Variants in WDR93 observed in about 807,000 individuals in gnomAD.
WDR93 encodes the protein WD repeat-containing protein 93.
Under a neutral mutation model 82.9 loss-of-function variants are expected in WDR93, and 73 were observed. The observed-to-expected ratio is 0.88, with a 90% CI of 0.73 to 1.07. The LOEUF (loss-of-function observed/expected upper bound fraction) is 1.07, where lower values mean the gene tolerates loss of function less well. Among genes scored for constraint, WDR93 ranks in the 50% least tolerant of loss-of-function variants. The pLI is 0.00. For synonymous variants in WDR93, 283 were observed against 300.1 expected, an observed-to-expected ratio of 0.94 and a Z score of 0.59; for missense variants, 738 against 826.0, an observed-to-expected ratio of 0.89 and a Z score of 1.31.
chr15:89,738,935 C>T (rs996311090), intron 16 of WDR93, among the ~76,000 whole-genome samples: 7 of 151,788 alleles, frequency 4.6e-5, no homozygotes, highest in Non-Finnish European at 4.4e-5. Flanking sequence ...GCCAACATGG[C>T]GAAACCCCAT....
chr15:89,732,036 A>T (rs1246680071), intron 12 of WDR93, among the ~76,000 whole-genome samples: 1 of 152,166 alleles, frequency 6.6e-6, no homozygotes, highest in Non-Finnish European at 1.5e-5. Flanking sequence ...ACCAGCAGCT[A>T]TTCTGGGTGG....
chr15:89,729,768 TG>T lies in WDR93; in HGVS notation c.1210+1del. 1 of 1,612,984 alleles carries T rather than the reference TG, an allele frequency of 6.2e-7. No individual in the cohort carries two copies. Among genetic ancestry groups the T allele is most frequent in the South Asian group, 1.1e-5 (1 of 90,974 alleles). ...TAAACCGAACTCTAAAGGATAAAGC[TG>T]GTACTTTACTGCTGAGATGGGAGTC... Reference protein sequence around the residue: ...SLNRTLKDKADPEGVWPCAAP... With the variant: ...SLNRTLKDKAXPEGVWPCAAP... On this transcript the variant is annotated frameshift_variant and splice_region_variant, in exon 11 of 17. Transcript: ENST00000268130. LOFTEE classifies it high-confidence loss of function.
intron 14 of WDR93, among the ~76,000 whole-genome samples, chr15:89,737,262 A>C (rs1403841177): frequency 6.6e-6 from 1 of 152,194 alleles, no homozygotes; most frequent in African/African-American, 2.4e-5. Flanking sequence ...GAGAAATGGA[A>C]TCTTGGCTAC....
At chr15:89,711,602 A>T (rs1397810099) in intron 4 of WDR93, among the ~76,000 whole-genome samples, 1 of 151,874 alleles carries the variant, frequency 6.6e-6, no homozygotes, top group Non-Finnish European at 1.5e-5. Context: ...AGCAGGTTTC[A>T]TACTAAGGTT....
In WDR93 at chr15:89,729,082, A is replaced by T; in HGVS notation, c.1112A>T (p.Lys371Met). The change falls in exon 10 of 17, where the codon AAG (lysine) becomes ATG (methionine). Residue 371 changes from lysine to methionine, a missense_variant. Physicochemically the swap from Lys to Met is moderately conservative, Grantham distance 95. Transcript: ENST00000268130. ...CTATTTGCAATGCCACCGGAAGTCA[A>T]GGGCCCCTCAGGTAAATGAACATGA... ...SCLFAMPPEV[K>M]GPSGMACVLG... 1 of 1,613,956 alleles carries T rather than the reference A, an allele frequency of 6.2e-7. No individual in the cohort carries two copies. Among genetic ancestry groups the T allele is most frequent in the Non-Finnish European group, 8.5e-7 (1 of 1,179,886 alleles).
rs115634160 is a variant in WDR93 at position 89,729,868 on chromosome 15, T to G, written c.1210+99T>G. The G allele has an allele frequency of 3.6e-3, 3,624 of 1,013,872 alleles. 84 individuals are homozygous for G. In the African/African-American group the frequency reaches 0.051, roughly 14 times the overall value. The allele number at this position is 1,013,872 out of a possible 1,614,324, so 62.8% of individuals were successfully genotyped here. ...GCATGTGACTGACATACATCAAGTG[T>G]CACTTTAGGGACCAGATCTAGGCAG... On this transcript the variant is annotated intron_variant, in intron 11 of 16. Transcript: ENST00000268130.
At position 89,733,242 on chromosome 15, in the gene WDR93, G is replaced by C. The variant is rs762205268; in HGVS notation, c.1544+23G>C. 2.5e-6 allele frequency: 4 copies of C among 1,601,660 alleles called. No individual in the cohort carries two copies. The South Asian group carries it at 4.4e-5, about 18-fold the overall frequency. On this transcript the variant is annotated intron_variant, in intron 13 of 16. Transcript: ENST00000268130. ...GAGGTCAGTAGCTTGAGGGTGGGAC[G>C]GGGTAAATAATTGGCCAGATTATTT...
chr15:89,739,969 G>A (rs1472495580), intron 16 of WDR93, among the ~76,000 whole-genome samples: 1 of 152,150 alleles, frequency 6.6e-6, no homozygotes, highest in Non-Finnish European at 1.5e-5. Flanking sequence ...GTTTGATTCT[G>A]ACACTACCAC....
At chr15:89,694,991 A>G (rs1459209227) in intron 1 of WDR93, among the ~76,000 whole-genome samples, 1 of 152,120 alleles carries the variant, frequency 6.6e-6, no homozygotes, top group Non-Finnish European at 1.5e-5. Flanking sequence ...TTCTCCATAT[A>G]TGTTTGCATC....
chr15:89,714,971 C>T lies in WDR93; in HGVS notation c.641-9C>T. 1 of 1,610,584 alleles carries T rather than the reference C, an allele frequency of 6.2e-7. No homozygotes were observed. Among genetic ancestry groups the T allele is most frequent in the Non-Finnish European group, 8.5e-7 (1 of 1,177,752 alleles). ...AGTTGCTCAATGGTTCTCTGGTTTC[C>T]CAATGCAGGAGCCGGAGATATTTGG... is the stretch of plus-strand genomic sequence containing the variant. On this transcript the variant is annotated splice_polypyrimidine_tract_variant and intron_variant, in intron 5 of 16. Coordinates refer to ENST00000268130, the MANE Select transcript of WDR93 (RefSeq NM_020212.2).
intron 6 of WDR93, among the ~76,000 whole-genome samples, chr15:89,716,371 A>G (rs994969759): frequency 2.0e-5 from 3 of 152,186 alleles, no homozygotes; most frequent in Non-Finnish European, 2.9e-5. Flanking sequence ...AACAAATTCC[A>G]TAGTATCATA....
At chr15:89,707,357 C>T (rs568070613) in intron 4 of WDR93, among the ~76,000 whole-genome samples, 3 of 152,256 alleles carry the variant, frequency 2.0e-5, no homozygotes, top group South Asian at 4.2e-4. Flanking sequence ...TTGAGACCAC[C>T]CTGGCCAACA....
intron 3 of WDR93, chr15:89,705,342 A>T (rs1965679038): frequency 1.8e-6 from 1 of 562,190 alleles, no homozygotes; most frequent in Admixed American, 3.2e-5. Flanking sequence ...GGGTAGGTGG[A>T]GAGGACCCAG....
intron 1 of WDR93, among the ~76,000 whole-genome samples, chr15:89,693,695 C>T (rs1965012813): frequency 6.6e-6 from 1 of 152,182 alleles, no homozygotes; most frequent in African/African-American, 2.4e-5. Flanking sequence ...TGCCATTATC[C>T]ACCAGACCCA....
chr15:89,715,109 C>T lies in WDR93; in HGVS notation c.756+14C>T. On this transcript the variant is annotated intron_variant, in intron 6 of 16. Transcript: ENST00000268130. The stretch of plus-strand genomic sequence containing the variant: ...CAGCCGCAACTGGTAGGAAATATCT[C>T]TGCTTTCAGCTGATATGTTTCTCCC... The T allele has an allele frequency of 6.2e-7, 1 of 1,607,162 alleles. No homozygotes were observed. The highest frequency in any genetic ancestry group is 8.5e-7 in the Non-Finnish European group (1 of 1,176,008).
chr15:89,729,181 C>G, intron 10 of WDR93, 88 bp downstream of exon 10: 1 of 1,235,972 alleles, frequency 8.1e-7, no homozygotes, highest in Non-Finnish European at 1.2e-6. Flanking sequence ...TGTTCCCCAA[C>G]AAACCTCGCA....
At chr15:89,736,659 A>T (rs1462210512) in intron 14 of WDR93, among the ~76,000 whole-genome samples, 2 of 152,014 alleles carry the variant, frequency 1.3e-5, no homozygotes, top group Non-Finnish European at 2.9e-5. Context: ...AACCAAGAAC[A>T]TGGTGGAGAC....
chr15:89,700,738 G>A (rs946796894), intron 1 of WDR93, among the ~76,000 whole-genome samples: 1 of 116,692 alleles, frequency 8.6e-6, no homozygotes, highest in Non-Finnish European at 1.7e-5. Flanking sequence ...TAAATTTTTT[G>A]TATAGATGGG....
rs895525717 is a variant in WDR93, at chr15:89,713,480, G to T, written c.640+1376G>T. Among the ~76,000 whole-genome samples the T allele has an allele frequency of 1.3e-3, 188 of 149,822 alleles. 1 individual carries two copies. Among genetic ancestry groups the T allele is most frequent in the African/African-American group, 4.3e-3 (177 of 40,770 alleles). On this transcript the variant is annotated intron_variant, in intron 5 of 16. Coordinates refer to ENST00000268130, the MANE Select transcript of WDR93 (RefSeq NM_020212.2). The stretch of plus-strand genomic sequence containing the variant: ...TTGAGGAACATATGCATTTTATTTT[G>T]TTTTTTTTTTGAGAAGGAGTCTTGC...
Sources: allele counts gnomAD v4.1 joint callset (sites outside exome capture counted in the v4.1 genomes callset), GRCh38; gene constraint gnomAD v4.1.1; transcripts MANE v1.5; gene names NCBI Gene and HGNC (gene_info 2026-07-23, HGNC 2026-07-21).